PRRC2B: variants seen among roughly 807,000 people sequenced by gnomAD.
The protein encoded by PRRC2B is proline rich coiled-coil 2B.
A neutral mutation model predicts 242.3 loss-of-function variants in PRRC2B; 68 were observed. The observed-to-expected ratio is 0.28, with a 90% CI of 0.23 to 0.34. PRRC2B has a LOEUF of 0.34. Ranked by LOEUF, PRRC2B falls within the 10% of genes least tolerant of loss-of-function variation. The pLI, the probability that PRRC2B is intolerant of heterozygous loss-of-function variation, is 1.00. For missense variants in PRRC2B, 2,835 were observed against 2,954.8 expected, an observed-to-expected ratio of 0.96 and a Z score of 0.94; for synonymous variants, 1,228 against 1,173.6, an observed-to-expected ratio of 1.05 and a Z score of -0.95.
At chr9:131,493,919 G>T (rs1041084153) in intron 30 of PRRC2B, among the ~76,000 whole-genome samples, 2 of 152,082 alleles carry the variant, frequency 1.3e-5, no homozygotes, top group Admixed American at 1.3e-4. Flanking sequence ...GAACTAACTA[G>T]TGGTCAGTGG....
chr9:131,458,188 C>A (rs1943137873), intron 10 of PRRC2B, among the ~76,000 whole-genome samples: 1 of 151,998 alleles, frequency 6.6e-6, no homozygotes, highest in Admixed American at 6.6e-5. Context: ...TAGTAGTCAT[C>A]TTTTGTTCTT....
intron 1 of PRRC2B, among the ~76,000 whole-genome samples, chr9:131,412,349 T>C (rs998888958): frequency 6.6e-6 from 1 of 152,222 alleles, no homozygotes; most frequent in South Asian, 2.1e-4. Flanking sequence ...TGTATAGTTG[T>C]GTATGTTTAT....
Position 131,482,766 on chromosome 9 carries a change from C to T in PRRC2B, c.5232C>T (p.Asn1744=), listed in dbSNP as rs560933264. ...SKEHRPGPIG[N]ERSLKNRKGS... is the part of the protein sequence containing the mutation. ...AGCACAGACCAGGACCCATCGGCAA[C>T]GAGCGTTCTCTGAAAAACAGAAAGG... is the stretch of plus-strand genomic sequence containing the variant. The change falls in exon 22 of 32, where the codon AAC becomes AAT. Residue 1744 remains asparagine (N), a synonymous_variant. Coordinates refer to ENST00000683519, the MANE Select transcript of PRRC2B (RefSeq NM_013318.4). This position sits in a 1 kb window ranked among gnomAD's most constrained non-coding sequence, Gnocchi z 5.2. The T allele has an allele frequency of 1.2e-5, 20 of 1,611,860 alleles. No individual in the cohort carries two copies. Among genetic ancestry groups the T allele is most frequent in the Middle Eastern group, 1.6e-4 (1 of 6,076 alleles).
chr9:131,476,129 C>T lies in PRRC2B; in HGVS notation c.4000C>T (p.Leu1334=), dbSNP rs1943689349. The T allele has an allele frequency of 6.2e-7, 1 of 1,610,440 alleles. No individual in the cohort carries two copies. The highest frequency in any genetic ancestry group is 1.1e-5 in the South Asian group (1 of 91,012). ...GTGGGGACCCGAGGAGGAGCCCCAC[C>T]TGCTGGCAGGTCAGTGGCCAGGCAG... ...GLWGPEEEPH[L]LAGQWPGRPK... Residue 1334 remains leucine, a synonymous_variant, in exon 16 of 32, where the codon CTG becomes TTG. Coordinates refer to ENST00000683519, the MANE Select transcript of PRRC2B (RefSeq NM_013318.4).
chr9:131,384,721 T>C (rs1369035236), intron 1 of PRRC2B, among the ~76,000 whole-genome samples: 1 of 151,012 alleles, frequency 6.6e-6, no homozygotes, highest in African/African-American at 2.4e-5. Context: ...CCTGGCTTAA[T>C]TTTGCACTTT....
intron 13 of PRRC2B, among the ~76,000 whole-genome samples, chr9:131,470,324 G>A (rs745783057): frequency 2.0e-5 from 3 of 152,154 alleles, no homozygotes; most frequent in Non-Finnish European, 4.4e-5. Flanking sequence ...TGGGCGTGGG[G>A]TGTCTGTGTG....
chr9:131,383,996 G>A (rs1836795689), intron 1 of PRRC2B, among the ~76,000 whole-genome samples: 1 of 151,530 alleles, frequency 6.6e-6, no homozygotes, highest in African/African-American at 2.4e-5. Flanking sequence ...ATGGCTCCTT[G>A]GACCCTCTGC....
intron 3 of PRRC2B, 130 bp downstream of exon 3, chr9:131,432,924 C>A (rs2131328714): frequency 1.2e-6 from 1 of 863,646 alleles, no homozygotes; most frequent in Non-Finnish European, 1.8e-6. Flanking sequence ...AGAATTGGAA[C>A]ACTGGGAGAT....
At chr9:131,445,891 A>AGTGGG (rs2131387387) in intron 6 of PRRC2B, among the ~76,000 whole-genome samples, 1 of 152,340 alleles carries the variant, frequency 6.6e-6, no homozygotes, top group South Asian at 2.1e-4. Context: ...AGTGCCCCAC[A>AGTGGG]CCTCCACTGG....
intron 16 of PRRC2B, 87 bp downstream of exon 16, chr9:131,476,622 G>C (rs534341808): frequency 7.9e-7 from 1 of 1,261,900 alleles, no homozygotes; most frequent in East Asian, 2.5e-5. Context: ...CGATGCCGCC[G>C]TGTGTCGGGG....
At chr9:131,437,607 AAGGTC>A (rs1233552867) in intron 4 of PRRC2B, among the ~76,000 whole-genome samples, 1 of 152,240 alleles carries the variant, frequency 6.6e-6, no homozygotes, top group African/African-American at 2.4e-5. Flanking sequence ...TGGGCAATAT[AAGGTC>A]TCAAATGTCA....
Position 131,478,506 on chromosome 9 carries a change from G to A in PRRC2B, c.4645G>A (p.Gly1549Arg), listed in dbSNP as rs201654931. Residue 1549 changes from glycine (G) to arginine (R), a missense_variant, in exon 18 of 32, where the codon GGG (glycine) becomes AGG (arginine). Gly to Arg is a moderately radical substitution (Grantham distance 125). Transcript: ENST00000683519. ...AIIENCGSSP[G>R]EESEVGSMVG... ...CATTGAAAATTGCGGGTCCAGCCCC[G>A]GGGAGGAGAGTGAGGTGGGTTCTAT... 1.4e-5 allele frequency: 22 copies of A among 1,613,466 alleles called. No individual in the cohort carries two copies. In the East Asian group the frequency reaches 1.8e-4, roughly 13 times the overall value.
chr9:131,414,572 G>C (rs1249326417), intron 1 of PRRC2B, among the ~76,000 whole-genome samples: 3 of 148,808 alleles, frequency 2.0e-5, no homozygotes, highest in African/African-American at 7.4e-5. Context: ...ACCATCTTGG[G>C]CTTTTTTTTT....
Position 131,432,762 on chromosome 9 carries a change from G to C in PRRC2B, c.261G>C (p.Trp87Cys), listed in dbSNP as rs761525304. The part of the protein sequence containing the change: ...IVIVPKDGTG[W>C]ANKQDQQDPK... ...TAGTACCCAAGGACGGGACGGGATG[G>C]GCAAACAAGCAGGATCAGCAAGACC... is the stretch of plus-strand genomic sequence containing the variant. The change falls in exon 3 of 32, where the codon TGG (tryptophan) becomes TGC (cysteine). Residue 87 changes from tryptophan (W) to cysteine (C), a missense_variant. Coordinates refer to ENST00000683519, the MANE Select transcript of PRRC2B (RefSeq NM_013318.4). The C allele has an allele frequency of 6.2e-7, 1 of 1,614,046 alleles. No homozygotes were observed. The highest frequency in any genetic ancestry group is 8.5e-7 in the Non-Finnish European group (1 of 1,179,902).
intron 5 of PRRC2B, among the ~76,000 whole-genome samples, chr9:131,439,838 A>G (rs541712941): frequency 1.3e-4 from 20 of 152,084 alleles, no homozygotes; most frequent in African/African-American, 4.8e-4. Context: ...GGCTCAAGCA[A>G]TCCTCCCACC....
rs117269788 is a variant in PRRC2B, at chr9:131,460,206, C to T, written c.1404+850C>T. ...CCTTGATAATTGATTGTCGTTTAAT[C>T]TGCAGGCCCCATTCAGCTTTTACCA... On this transcript the variant is annotated intron_variant, in intron 11 of 31. Coordinates refer to ENST00000683519, the MANE Select transcript of PRRC2B (RefSeq NM_013318.4). Among the ~76,000 whole-genome samples the T allele has an allele frequency of 2.3e-3, 348 of 152,308 alleles. 4 individuals are homozygous for T. Among genetic ancestry groups the T allele is most frequent in the East Asian group, 0.019 (101 of 5,184 alleles).
At chr9:131,438,697 G>C (rs1838457478) in intron 4 of PRRC2B, among the ~76,000 whole-genome samples, 1 of 152,126 alleles carries the variant, frequency 6.6e-6, no homozygotes, top group Non-Finnish European at 1.5e-5. Context: ...AACAGGTTTG[G>C]GTCCTGGCTT....
At position 131,430,152 on chromosome 9, in the gene PRRC2B, A is replaced by G; in HGVS notation, c.8A>G (p.Asp3Gly). 1 of 1,599,754 alleles carries G rather than the reference A, an allele frequency of 6.3e-7. No individual in the cohort carries two copies. Among genetic ancestry groups the G allele is most frequent in the South Asian group, 1.1e-5 (1 of 88,756 alleles). The change falls in exon 2 of 32, where the codon GAT becomes GGT. Residue 3 changes from aspartate (D) to glycine (G), a missense_variant. Physicochemically the swap from Asp to Gly is moderately conservative, Grantham distance 94. Transcript: ENST00000683519. MS[D>G]RLGQITKGKD... ...AGATGACATTTCATCGCAATGTCCG[A>G]TCGTTTGGGGCAAATTACCAAGGGC...
chr9:131,456,281 A>G (rs1943074564), intron 10 of PRRC2B, among the ~76,000 whole-genome samples: 1 of 148,166 alleles, frequency 6.7e-6, no homozygotes, highest in African/African-American at 2.5e-5. Flanking sequence ...TTTAGAAAAT[A>G]CTGCATTGTA....
Sources: gnomAD v4.1 joint callset for allele counts (sites outside exome capture counted in the v4.1 genomes callset) on GRCh38, gnomAD v4.1.1 for gene constraint, Gnocchi (gnomAD v3.1) non-coding constraint, MANE v1.5 for transcripts, NCBI Gene and HGNC (gene_info 2026-07-23, HGNC 2026-07-21) for gene names.